Variants in ERC1 observed in about 807,000 individuals in gnomAD.
The protein encoded by ERC1 is RAB6 interacting protein 2.
ERC1 carries 56 observed loss-of-function variants against 132.0 expected under a neutral mutation model. That is an observed-to-expected ratio of 0.42 (90% CI 0.34 to 0.53). The LOEUF is 0.53. Among genes scored for constraint, ERC1 ranks in the 20% least tolerant of loss-of-function variants. The pLI is 0.03. For synonymous variants in ERC1, 478 were observed against 476.1 expected (o/e 1.00, Z -0.05); for missense variants, 1,202 against 1,349.9 (o/e 0.89, Z 1.72).
At position 1,130,853 on chromosome 12, in the gene ERC1, G is replaced by A. The variant is rs1593548735; in HGVS notation, c.1570-10767G>A. On this transcript the variant is annotated intron_variant, in intron 7 of 18. Transcript: ENST00000360905. ...ACGTAGCATTCAGCCTCCCATCTAG[G>A]TGGGAACAATGGGAAATGCAGTCAT... Among the ~76,000 whole-genome samples, 4 of 152,130 alleles carry A rather than the reference G, an allele frequency of 2.6e-5. No homozygotes were observed. In the South Asian group the frequency reaches 8.3e-4, roughly 31 times the overall value.
At chr12:1,282,696 GT>G in intron 14 of ERC1, among the ~76,000 whole-genome samples, 1 of 152,162 alleles carries the variant, frequency 6.6e-6, no homozygotes, top group Non-Finnish European at 1.5e-5. Context: ...GTGTATATAT[GT>G]TTTCACTAAT....
intron 14 of ERC1, among the ~76,000 whole-genome samples, chr12:1,279,723 C>G (rs1336874334): frequency 2.0e-5 from 3 of 149,734 alleles, no homozygotes; most frequent in Non-Finnish European, 4.4e-5. Flanking sequence ...GAGTCTCGCT[C>G]TGTCGCCCAG....
intron 15 of ERC1, among the ~76,000 whole-genome samples, chr12:1,359,489 A>G (rs1472115921): frequency 6.6e-6 from 1 of 152,150 alleles, no homozygotes. Context: ...GACACCTGGC[A>G]AGGGTCTTTT....
chr12:1,417,664 C>G (rs191271129), intron 17 of ERC1, among the ~76,000 whole-genome samples: 67 of 151,794 alleles, frequency 4.4e-4, no homozygotes, highest in African/African-American at 1.5e-3. Context: ...GCCTGTAATC[C>G]CAGCTACTCG....
At chr12:1,100,717 G>A (rs182795697) in intron 3 of ERC1, among the ~76,000 whole-genome samples, 40 of 152,294 alleles carry the variant, frequency 2.6e-4, no homozygotes, top group Non-Finnish European at 1.0e-4. Context: ...AGAGGGGAAG[G>A]CCAGGAGGTC....
rs1388489918 is a variant in ERC1 at position 1,155,521 on chromosome 12, G to C, written c.1737+13734G>C. 1.3e-5 allele frequency among the ~76,000 whole-genome samples: 2 copies of C among 151,858 alleles called. 1 individual carries two copies. Among genetic ancestry groups the C allele is most frequent in the Non-Finnish European group, 2.9e-5 (2 of 67,956 alleles). On this transcript the variant is annotated intron_variant, in intron 8 of 18. Coordinates refer to ENST00000360905, the MANE Select transcript of ERC1 (RefSeq NM_178040.4). ...GACGGAGTCTCGCTCTGTCGCCCAGGCTGGATTGCAGTGGCGCCATCTCGG... is the reference window on the plus strand; with the variant it reads ...GACGGAGTCTCGCTCTGTCGCCCAGCCTGGATTGCAGTGGCGCCATCTCGG...
intron 12 of ERC1, among the ~76,000 whole-genome samples, chr12:1,197,542 G>A (rs1956450237): frequency 6.6e-6 from 1 of 152,188 alleles, no homozygotes; most frequent in African/African-American, 2.4e-5. Flanking sequence ...TTACAGGACA[G>A]GTACTGCATA....
intron 2 of ERC1, among the ~76,000 whole-genome samples, chr12:1,082,406 G>T (rs1352218847): frequency 2.0e-5 from 3 of 151,214 alleles, no homozygotes; most frequent in Non-Finnish European, 4.4e-5. Flanking sequence ...CGCCTGCCTC[G>T]GCCTCCCAAA....
At chr12:1,200,743 A>T (rs1956836358) in intron 12 of ERC1, among the ~76,000 whole-genome samples, 1 of 151,954 alleles carries the variant, frequency 6.6e-6, no homozygotes, top group African/African-American at 2.4e-5. Flanking sequence ...TATTTTTAGT[A>T]GAGATGGGGT....
intron 15 of ERC1, among the ~76,000 whole-genome samples, chr12:1,352,655 T>A (rs2085114874): frequency 6.6e-6 from 1 of 152,220 alleles, no homozygotes; most frequent in Admixed American, 6.5e-5. Context: ...TGACCTTCGG[T>A]CTGAGCTCTT....
chr12:1,415,157 C>G (rs1212032387), intron 17 of ERC1, among the ~76,000 whole-genome samples: 1 of 152,152 alleles, frequency 6.6e-6, no homozygotes, highest in Non-Finnish European at 1.5e-5. Flanking sequence ...GAAAATCCTT[C>G]GGGTAGAAAC....
At chr12:1,321,711 A>G (rs2082127920) in intron 15 of ERC1, among the ~76,000 whole-genome samples, 1 of 152,186 alleles carries the variant, frequency 6.6e-6, no homozygotes, top group African/African-American at 2.4e-5. Flanking sequence ...TGTTCAATAT[A>G]AAACCAATGT....
chr12:1,391,070 A>T (rs1350970293), intron 16 of ERC1: 1 of 152,196 alleles, frequency 6.6e-6, no homozygotes, highest in Non-Finnish European at 1.5e-5. Flanking sequence ...GCCTTTAATC[A>T]TAATTGTCTT....
chr12:1,175,661 G>A (rs1218241692), intron 8 of ERC1, among the ~76,000 whole-genome samples: 1 of 151,842 alleles, frequency 6.6e-6, no homozygotes, highest in South Asian at 2.1e-4. Flanking sequence ...AGCCTCCCGA[G>A]TAGCTGGGGT....
At chr12:1,319,819 T>G (rs1268113406) in intron 15 of ERC1, among the ~76,000 whole-genome samples, 1 of 152,162 alleles carries the variant, frequency 6.6e-6, no homozygotes, top group Non-Finnish European at 1.5e-5. Context: ...AAATTCTGTA[T>G]TTTTTTCCCT....
chr12:1,360,145 A>G (rs2085948303), intron 15 of ERC1, among the ~76,000 whole-genome samples: 1 of 152,130 alleles, frequency 6.6e-6, no homozygotes, highest in African/African-American at 2.4e-5. Context: ...TAATTTCTTA[A>G]TTTCTCTTCT....
chr12:1,271,013 G>A (rs2077809419), intron 14 of ERC1, among the ~76,000 whole-genome samples: 1 of 152,152 alleles, frequency 6.6e-6, no homozygotes, highest in South Asian at 2.1e-4. Context: ...CTTTAAAAAA[G>A]TGATGCTTTT....
Position 1,259,506 on chromosome 12 carries a change from C to CTCTTTCTT in ERC1, c.2488-3518_2488-3511dup, listed in dbSNP as rs59366391. ...TTTTTGTTTTTCCTGTCTTGGGTAT[C>CTCTTTCTT]TCTTTCTTTCTTTCTTTTTTTTTTT... On this transcript the variant is annotated intron_variant, in intron 13 of 18. Coordinates refer to ENST00000360905, the MANE Select transcript of ERC1 (RefSeq NM_178040.4). Among the ~76,000 whole-genome samples the CTCTTTCTT allele has an allele frequency of 6.7e-4, 83 of 123,266 alleles. 1 individual carries two copies. Among genetic ancestry groups the CTCTTTCTT allele is most frequent in the African/African-American group, 2.7e-3 (75 of 27,778 alleles). 80.9% of individuals were successfully genotyped at this position (123,266 alleles called of 152,430 possible).
chr12:1,132,703 G>T (rs1226629736), intron 7 of ERC1, among the ~76,000 whole-genome samples: 1 of 83,444 alleles, frequency 1.2e-5, no homozygotes. Context: ...TCCATGTCCC[G>T]CAGATGGAAA....
Sources: gnomAD v4.1 joint callset for allele counts (sites outside exome capture counted in the v4.1 genomes callset) on GRCh38, gnomAD v4.1.1 for gene constraint, MANE v1.5 for transcripts, NCBI Gene and HGNC (gene_info 2026-07-23, HGNC 2026-07-21) for gene names.